The following NR1D1 variants were observed in gnomAD, a reference collection of about 807,000 sequenced individuals.
NR1D1 encodes the protein nuclear receptor subfamily 1 group D member 1, also known as Rev-ErbAalpha.
In NR1D1, 17 loss-of-function variants were observed where a neutral mutation model predicts 51.1. The ratio of observed to expected loss-of-function variants is 0.33; its 90% CI spans 0.23 to 0.50. NR1D1 has a LOEUF of 0.50. Ranked by LOEUF, NR1D1 falls within the 20% of genes least tolerant of loss-of-function variation. The probability of loss-of-function intolerance (pLI) is 0.98; values close to 1 mark genes in which losing one functional copy is unlikely to be tolerated. For missense variants in NR1D1, 647 were observed against 830.4 expected, an observed-to-expected ratio of 0.78 and a Z score of 2.71; for synonymous variants, 341 against 333.4, an observed-to-expected ratio of 1.02 and a Z score of -0.25.
rs1240625417 is a variant in NR1D1, at chr17:40,094,102, A to G, written c.1455T>C (p.Ala485=). The G allele has an allele frequency of 1.2e-6, 2 of 1,613,848 alleles. No homozygotes were observed. The highest frequency in any genetic ancestry group is 1.3e-5 in the African/African-American group (1 of 74,920). Residue 485 remains alanine (A), a synonymous_variant, in exon 7 of 8, where the codon GCT becomes GCC. Coordinates refer to ENST00000246672, the MANE Select transcript of NR1D1 (RefSeq NM_021724.5). Reference sequence around the variant, plus strand: ...TCTGGTCCTTCACGTTGAACAACGAAGCAAAGCGCACCATCAGCACCTAGG... The same window carrying G: ...TCTGGTCCTTCACGTTGAACAACGAGGCAAAGCGCACCATCAGCACCTAGG... ...GTFEVLMVRF[A]SLFNVKDQTV...
At chr17:40,096,337 T>G (rs1404837913) in intron 4 of NR1D1, 106 bp downstream of exon 4, 59 of 1,521,964 alleles carry the variant, frequency 3.9e-5, no homozygotes, top group Non-Finnish European at 5.2e-5. Context: ...CTGGCACATG[T>G]GATTCACAGT....
chr17:40,100,294 C>T lies in NR1D1; in HGVS notation c.-200G>A. The T allele has an allele frequency of 3.2e-6, 2 of 625,608 alleles. No individual in the cohort carries two copies. Among genetic ancestry groups the T allele is most frequent in the Admixed American group, 2.7e-5 (1 of 37,170 alleles). The allele number at this position is 625,608 out of a possible 1,614,324, so 38.8% of individuals were successfully genotyped here. On this transcript the variant is annotated 5_prime_UTR_variant, in exon 1 of 8. Coordinates refer to ENST00000246672, the MANE Select transcript of NR1D1 (RefSeq NM_021724.5). ...GCAGAAGGGTTGGACGTTGAGGCAA[C>T]GGAGTTCTGCTTTGCATGGGAAGAG...
At chr17:40,098,592 C>T (rs1987810025) in intron 1 of NR1D1, among the ~76,000 whole-genome samples, 1 of 152,172 alleles carries the variant, frequency 6.6e-6, no homozygotes, top group African/African-American at 2.4e-5. Flanking sequence ...GGAGCATACT[C>T]AAGAGTCTAG....
chr17:40,093,158 G>C lies in NR1D1; in HGVS notation c.1770C>G (p.Leu590=). 6.2e-7 allele frequency: 1 copy of C among 1,614,070 alleles called. No homozygotes were observed. Among genetic ancestry groups the C allele is most frequent in the Non-Finnish European group, 8.5e-7 (1 of 1,180,026 alleles). ...LETSRFTKLL[L]KLPDLRTLNN... ...TCAGGGTCCGCAGGTCCGGCAGCTTGAGCAGCAGCTTGGTGAAGCGGGAAG... is the reference window on the plus strand; with the variant it reads ...TCAGGGTCCGCAGGTCCGGCAGCTTCAGCAGCAGCTTGGTGAAGCGGGAAG... The change falls in exon 8 of 8, where the codon CTC becomes CTG. Residue 590 remains leucine (L), a synonymous_variant. Transcript: ENST00000246672. This position sits in a 1 kb window ranked among gnomAD's most constrained non-coding sequence, Gnocchi z 5.9.
chr17:40,093,173 G>A lies in NR1D1; in HGVS notation c.1755C>T (p.Phe585=). The A allele has an allele frequency of 6.2e-7, 1 of 1,614,008 alleles. No homozygotes were observed. The highest frequency in any genetic ancestry group is 8.5e-7 in the Non-Finnish European group (1 of 1,180,030). Residue 585 remains phenylalanine, a synonymous_variant, in exon 8 of 8, where the codon TTC becomes TTT. Coordinates refer to ENST00000246672, the MANE Select transcript of NR1D1 (RefSeq NM_021724.5). The surrounding 1 kb of genome is among the most constrained non-coding windows in gnomAD (Gnocchi z 5.9). ...CCGGCAGCTTGAGCAGCAGCTTGGT[G>A]AAGCGGGAAGTCTCCAAGGGCCGGT... ...LKNRPLETSR[F]TKLLLKLPDL... is the part of the protein sequence containing the mutation.
chr17:40,094,180 G>A (rs1987697875), intron 6 of NR1D1, 58 bp from the exon 7 acceptor site: 15 of 1,517,566 alleles, frequency 9.9e-6, no homozygotes, highest in Admixed American at 5.0e-5. Flanking sequence ...TGACCAAATC[G>A]CCCCTGTAGT....
chr17:40,100,470 C>A lies in NR1D1; in HGVS notation c.-376G>T. 2.2e-6 allele frequency: 1 copy of A among 459,608 alleles called. No individual in the cohort carries two copies. The highest frequency in any genetic ancestry group is 3.9e-6 in the Non-Finnish European group (1 of 259,556). 28.5% of individuals were successfully genotyped at this position (459,608 alleles called of 1,614,324 possible). A position where few individuals can be genotyped will look rare whatever the true frequency, so the allele number is the denominator to read the frequency against. On this transcript the variant is annotated 5_prime_UTR_variant, in exon 1 of 8. Coordinates refer to ENST00000246672, the MANE Select transcript of NR1D1 (RefSeq NM_021724.5). ...ATCTGGAGCTCCCGGTGCAAAAGTC[C>A]CAGAGGAAGAGAGGTTGCAACCAGG...
chr17:40,096,050 C>T lies in NR1D1; in HGVS notation c.642G>A (p.Gln214=). Residue 214 remains glutamine, a synonymous_variant, in exon 5 of 8, where the codon CAG becomes CAA. Coordinates refer to ENST00000246672, the MANE Select transcript of NR1D1 (RefSeq NM_021724.5). ...RFGRIPKREK[Q]RMLAEMQSAM... is the part of the protein sequence containing the mutation. ...CACTCTGCATCTCAGCAAGCATCCG[C>T]TGCTTCTCTCGTTTGGGGATGCGCC... 1.2e-6 allele frequency: 2 copies of T among 1,612,830 alleles called. No homozygotes were observed. Among genetic ancestry groups the T allele is most frequent in the African/African-American group, 1.3e-5 (1 of 75,040 alleles).
rs1481870708 is a variant in NR1D1, at chr17:40,096,655, C to T, written c.459+36G>A. 8 of 1,613,542 alleles carry T rather than the reference C, an allele frequency of 5.0e-6. No homozygotes were observed. The Admixed American group carries it at 1.0e-4, about 20-fold the overall frequency. Reference sequence around the variant, plus strand: ...GGCCTCTGTGTCCAGGGGGAGGGGGCCACCTGCCCCTGCCCTTACCCCCAG... The same window carrying T: ...GGCCTCTGTGTCCAGGGGGAGGGGGTCACCTGCCCCTGCCCTTACCCCCAG... On this transcript the variant is annotated intron_variant, in intron 3 of 7. Coordinates refer to ENST00000246672, the MANE Select transcript of NR1D1 (RefSeq NM_021724.5).
chr17:40,095,471 C>G lies in NR1D1; in HGVS notation c.1221G>C (p.Arg407=). The G allele has an allele frequency of 6.5e-7, 1 of 1,539,554 alleles. No homozygotes were observed. Among genetic ancestry groups the G allele is most frequent in the South Asian group, 1.3e-5 (1 of 79,606 alleles). The part of the protein sequence containing the change: ...PEGKAPANSP[R]QGNSKNVLLA... ...GCAGAACATTCTTTGAGTTGCCCTG[C>G]CGGGGACTGTTGGCAGGTGCCTTGC... is the stretch of plus-strand genomic sequence containing the variant. Residue 407 remains arginine (R), a synonymous_variant, in exon 5 of 8, where the codon CGG becomes CGC. Transcript: ENST00000246672.
chr17:40,095,222 G>A, intron 5 of NR1D1, 102 bp from the exon 6 acceptor site: 1 of 1,284,546 alleles, frequency 7.8e-7, no homozygotes, highest in Non-Finnish European at 1.1e-6. Context: ...GCTAGGGGCT[G>A]TGGCCCTGAA....
In NR1D1 at chr17:40,093,327, C is replaced by A. The variant is rs201804855; in HGVS notation, c.1646-45G>T. 1 of 1,613,286 alleles carries A rather than the reference C, an allele frequency of 6.2e-7. No homozygotes were observed. Among genetic ancestry groups the A allele is most frequent in the Admixed American group, 1.7e-5 (1 of 60,026 alleles). On this transcript the variant is annotated intron_variant, in intron 7 of 7. Transcript: ENST00000246672. This position sits in a 1 kb window ranked among gnomAD's most constrained non-coding sequence, Gnocchi z 5.9. The stretch of plus-strand genomic sequence containing the variant: ...AGTGAGGCGGACTCCCCGAGCTCCT[C>A]TGAGGAGGAACCGGAGGTCTGCGAG...
At chr17:40,094,344 C>G (rs1598402033) in intron 6 of NR1D1, among the ~76,000 whole-genome samples, 1 of 152,140 alleles carries the variant, frequency 6.6e-6, no homozygotes, top group East Asian at 1.9e-4. Context: ...TGACCTTGGG[C>G]AAGGCATTCA....
Position 40,096,543 on chromosome 17 carries a change from C to T in NR1D1, c.504G>A (p.Arg168=). The T allele has an allele frequency of 6.2e-7, 1 of 1,614,208 alleles. No homozygotes were observed. Residue 168 remains arginine (R), a synonymous_variant, in exon 4 of 8, where the codon AGG becomes AGA. Coordinates refer to ENST00000246672, the MANE Select transcript of NR1D1 (RefSeq NM_021724.5). ...RSIQQNIQYK[R]CLKNENCSIV... The stretch of plus-strand genomic sequence containing the variant: ...TGGAGCAATTCTCATTCTTCAGACA[C>T]CTTTTGTACTGGATGTTCTGCTGGA...
intron 1 of NR1D1, 128 bp downstream of exon 1, chr17:40,099,936 C>A (rs1289821753): frequency 6.7e-6 from 5 of 751,258 alleles, no homozygotes; most frequent in Admixed American, 4.2e-5. Flanking sequence ...TAAAGCACCG[C>A]AGCACGTTAG....
chr17:40,092,904 TG>T lies in NR1D1; in HGVS notation c.*178del. 7.1e-7 allele frequency: 1 copy of T among 1,407,892 alleles called. No homozygotes were observed. Among genetic ancestry groups the T allele is most frequent in the Non-Finnish European group, 9.5e-7 (1 of 1,054,168 alleles). The allele number at this position is 1,407,892 out of a possible 1,614,324, so 87.2% of individuals were successfully genotyped here. On this transcript the variant is annotated 3_prime_UTR_variant, in exon 8 of 8. Transcript: ENST00000246672. Reference sequence around the variant, plus strand: ...TAGGGGAGGAGGGGAAGTTCGGTGATGGGGGAGGGAGGCAGGTATTTACAAG... The same window carrying T: ...TAGGGGAGGAGGGGAAGTTCGGTGATGGGGAGGGAGGCAGGTATTTACAAG...
At chr17:40,098,888 G>A (rs899025811) in intron 1 of NR1D1, among the ~76,000 whole-genome samples, 1 of 152,162 alleles carries the variant, frequency 6.6e-6, no homozygotes, top group African/African-American at 2.4e-5. Flanking sequence ...TGAAGTAGGT[G>A]CAAATAAGAG....
Position 40,093,810 on chromosome 17 carries a change from T to G in NR1D1, c.1645+102A>C, listed in dbSNP as rs1016193828. The G allele has an allele frequency of 2.0e-6, 2 of 1,014,326 alleles. No homozygotes were observed. The highest frequency in any genetic ancestry group is 2.0e-5 in the Admixed American group (1 of 49,696). 62.8% of individuals were successfully genotyped at this position (1,014,326 alleles called of 1,614,324 possible). ...GTCTGAATCATGTCTGTATCCCCAG[T>G]GCCCGGTGCAGGGCCTGGCATAGAG... On this transcript the variant is annotated intron_variant, in intron 7 of 7. Transcript: ENST00000246672. The surrounding 1 kb of genome is among the most constrained non-coding windows in gnomAD (Gnocchi z 5.9).
At position 40,093,908 on chromosome 17, in the gene NR1D1, C is replaced by T. The variant is rs1275682325; in HGVS notation, c.1645+4G>A. 1 of 1,612,402 alleles carries T rather than the reference C, an allele frequency of 6.2e-7. No homozygotes were observed. The highest frequency in any genetic ancestry group is 2.2e-5 in the East Asian group (1 of 44,864). On this transcript the variant is annotated splice_donor_region_variant and intron_variant, in intron 7 of 7. Coordinates refer to ENST00000246672, the MANE Select transcript of NR1D1 (RefSeq NM_021724.5). This position sits in a 1 kb window ranked among gnomAD's most constrained non-coding sequence, Gnocchi z 5.9. ...CCCCCGGGTCAGGCGAGAGCCTGAC[C>T]TACCTGCAGAGACAAGCACCACCGC...
Sources: gnomAD v4.1 joint callset for allele counts (sites outside exome capture counted in the v4.1 genomes callset) on GRCh38, gnomAD v4.1.1 for gene constraint, Gnocchi (gnomAD v3.1) non-coding constraint, MANE v1.5 for transcripts, NCBI Gene and HGNC (gene_info 2026-07-23, HGNC 2026-07-21) for gene names.